Variants in GNPTAB observed in about 807,000 individuals in gnomAD.
The protein encoded by GNPTAB is N-acetylglucosamine-1-phosphate transferase subunits alpha and beta, also known as N-acetylglucosamine-1-phosphotransferase subunits alpha/beta.
A neutral mutation model predicts 136.6 loss-of-function variants in GNPTAB; 92 were observed. That is an observed-to-expected ratio of 0.67 (90% CI 0.57 to 0.80). GNPTAB has a LOEUF of 0.80. Ranked by LOEUF, GNPTAB falls within the 30% of genes least tolerant of loss-of-function variation. GNPTAB has a pLI of 0.00. For missense variants in GNPTAB, 1,343 were observed against 1,501.8 expected (o/e 0.89, Z 1.75); for synonymous variants, 512 against 535.1 (o/e 0.96, Z 0.60).
At chr12:101,772,464 T>C (rs1953190729) in intron 7 of GNPTAB, among the ~76,000 whole-genome samples, 2 of 152,330 alleles carry the variant, frequency 1.3e-5, no homozygotes, top group South Asian at 4.1e-4. Context: ...TCTTTTCCCC[T>C]TATGATGTAG....
At chr12:101,756,072 C>CATTT (rs1165799658) in intron 18 of GNPTAB, 2 of 152,178 alleles carry the variant, frequency 1.3e-5, no homozygotes, top group Non-Finnish European at 2.9e-5. Flanking sequence ...AGAAATTAAA[C>CATTT]AGTACACTTC....
chr12:101,775,647 G>A (rs977073908), intron 7 of GNPTAB, among the ~76,000 whole-genome samples: 2 of 151,980 alleles, frequency 1.3e-5, no homozygotes, highest in African/African-American at 2.4e-5. Context: ...ACAGGCGTGA[G>A]CCACTATGCC....
At chr12:101,791,723 T>C (rs777216921) in intron 2 of GNPTAB, among the ~76,000 whole-genome samples, 1 of 152,246 alleles carries the variant, frequency 6.6e-6, no homozygotes, top group African/African-American at 2.4e-5. Context: ...CAGCCTAGAC[T>C]TTCAGTTGCT....
chr12:101,796,375 T>A (rs1869289684), intron 2 of GNPTAB: 2 of 676,796 alleles, frequency 3.0e-6, no homozygotes, highest in Middle Eastern at 4.7e-4. Flanking sequence ...AACACACTTT[T>A]CTTCAGATGG....
intron 7 of GNPTAB, chr12:101,773,186 C>T: frequency 4.1e-6 from 1 of 241,640 alleles, no homozygotes; most frequent in Non-Finnish European, 8.4e-6. Flanking sequence ...GATCACTTTC[C>T]TCACTTGATA....
At chr12:101,820,475 G>A (rs912433357) in intron 1 of GNPTAB, among the ~76,000 whole-genome samples, 2 of 152,076 alleles carry the variant, frequency 1.3e-5, no homozygotes, top group African/African-American at 4.8e-5. Flanking sequence ...TCTAATTCCG[G>A]ATTTCTCAAC....
At chr12:101,784,153 A>G (rs946189724) in intron 5 of GNPTAB, among the ~76,000 whole-genome samples, 65 of 152,280 alleles carry the variant, frequency 4.3e-4, no homozygotes, top group Non-Finnish European at 2.4e-4. Flanking sequence ...CTGTGCAATC[A>G]AAACCTAAAG....
intron 1 of GNPTAB, among the ~76,000 whole-genome samples, chr12:101,815,994 A>G (rs998705255): frequency 2.6e-5 from 4 of 152,230 alleles, no homozygotes; most frequent in Admixed American, 2.0e-4. Flanking sequence ...GGATTTCCAT[A>G]TGCAGAAGAA....
rs181454733 is a variant in GNPTAB, at chr12:101,814,987, A to G, written c.117+15572T>C. On this transcript the variant is annotated intron_variant, in intron 1 of 20. Transcript: ENST00000299314. ...TTATTACGAAACTAGGTTTGAACTT[A>G]AGGATAACTGAAAAATATCTTGGGG... 7.5e-3 allele frequency among the ~76,000 whole-genome samples: 1,149 copies of G among 152,332 alleles called. 18 individuals are homozygous for G. The highest frequency in any genetic ancestry group is 0.026 in the African/African-American group (1,069 of 41,572).
At chr12:101,817,890 G>GCAATTCATC (rs1870587673) in intron 1 of GNPTAB, among the ~76,000 whole-genome samples, 3 of 152,202 alleles carry the variant, frequency 2.0e-5, no homozygotes, top group Admixed American at 2.0e-4. Flanking sequence ...TCCCCCACCT[G>GCAATTCATC]CAATTCATCT....
chr12:101,783,140 C>G (rs1868438901), intron 5 of GNPTAB, among the ~76,000 whole-genome samples: 1 of 151,882 alleles, frequency 6.6e-6, no homozygotes, highest in Non-Finnish European at 1.5e-5. Context: ...GATGTAAACA[C>G]AAGGTAAGGG....
chr12:101,750,427 A>G (rs1382676275), intron 19 of GNPTAB, among the ~76,000 whole-genome samples: 1 of 152,220 alleles, frequency 6.6e-6, no homozygotes, highest in Non-Finnish European at 1.5e-5. Context: ...CAGTGCAGTG[A>G]GAGACAATGC....
In GNPTAB at chr12:101,746,272, C is replaced by CCT. The variant is rs59855215; in HGVS notation, c.*890_*891dup. On this transcript the variant is annotated 3_prime_UTR_variant, in exon 21 of 21. Transcript: ENST00000299314. ...GCCTTTTACAAAGAAAGTTTGCTGG[C>CCT]CTCTGTTCTATCAAAAACCAACTGA... 14,943 of 152,240 alleles carry CCT rather than the reference C, an allele frequency of 0.098. 874 individuals carry two copies. Among genetic ancestry groups the CCT allele is most frequent in the Middle Eastern group, 0.2 (59 of 294 alleles). 9.4% of individuals were successfully genotyped at this position (152,240 alleles called of 1,614,324 possible).
At chr12:101,750,763 T>C (rs1051171241) in intron 19 of GNPTAB, among the ~76,000 whole-genome samples, 22 of 152,250 alleles carry the variant, frequency 1.4e-4, no homozygotes, top group Admixed American at 1.3e-3. Flanking sequence ...AATAAAAACA[T>C]AAAGATAGCA....
chr12:101,782,066 A>T (rs912734753), intron 5 of GNPTAB, among the ~76,000 whole-genome samples: 15 of 152,326 alleles, frequency 9.8e-5, no homozygotes, highest in African/African-American at 3.4e-4. Context: ...ACCCTCTATC[A>T]ATGTTTTGGA....
At chr12:101,781,212 C>T (rs1451210774) in intron 5 of GNPTAB, among the ~76,000 whole-genome samples, 1 of 152,108 alleles carries the variant, frequency 6.6e-6, no homozygotes, top group East Asian at 1.9e-4. Flanking sequence ...GTGATGGGGA[C>T]AAGTGAGATC....
intron 1 of GNPTAB, among the ~76,000 whole-genome samples, chr12:101,815,638 G>T (rs1425404383): frequency 2.9e-5 from 4 of 138,988 alleles, no homozygotes; most frequent in Non-Finnish European, 4.7e-5. Flanking sequence ...AAAAAAAAAA[G>T]CCTCTCTCTA....
intron 1 of GNPTAB, among the ~76,000 whole-genome samples, chr12:101,826,314 C>T (rs1262196377): frequency 1.3e-5 from 2 of 152,092 alleles, no homozygotes; most frequent in Non-Finnish European, 2.9e-5. Context: ...TGTTTCCATA[C>T]TTAGTGCACA....
Position 101,793,676 on chromosome 12 carries a change from T to G in GNPTAB, c.203+3001A>C, listed in dbSNP as rs147440941. Among the ~76,000 whole-genome samples the G allele has an allele frequency of 3.3e-5, 5 of 152,294 alleles. No homozygotes were observed. In the East Asian group the frequency reaches 9.6e-4, roughly 29 times the overall value. On this transcript the variant is annotated intron_variant, in intron 2 of 20. Coordinates refer to ENST00000299314, the MANE Select transcript of GNPTAB (RefSeq NM_024312.5). The stretch of plus-strand genomic sequence containing the variant: ...CTGAAAACTAAGACTAAGTCACTCA[T>G]AACTCAGAACCAAAGCAGCAATGAC...
Sources: allele counts gnomAD v4.1 joint callset (sites outside exome capture counted in the v4.1 genomes callset), GRCh38; gene constraint gnomAD v4.1.1; transcripts MANE v1.5; gene names NCBI Gene and HGNC (gene_info 2026-07-23, HGNC 2026-07-21).